The following UPF2 variants were observed in gnomAD, a reference collection of about 807,000 sequenced individuals.
UPF2 encodes the protein regulator of nonsense transcripts 2.
A neutral mutation model predicts 141.4 loss-of-function variants in UPF2; 17 were observed. The observed-to-expected ratio is 0.12, with a 90% CI of 0.08 to 0.18. The LOEUF is 0.18. Among genes scored for constraint, UPF2 ranks in the 10% least tolerant of loss-of-function variants. The pLI is 1.00. For synonymous variants in UPF2, 540 were observed against 498.0 expected, an observed-to-expected ratio of 1.08 and a Z score of -1.12; for missense variants, 1,152 against 1,515.9, an observed-to-expected ratio of 0.76 and a Z score of 3.99.
rs576460224 is a variant in UPF2, at chr10:11,991,136, A to C, written c.1844+6536T>G. 3.5e-4 allele frequency among the ~76,000 whole-genome samples: 53 copies of C among 152,288 alleles called. 1 individual carries two copies. Among genetic ancestry groups the C allele is most frequent in the African/African-American group, 1.3e-3 (52 of 41,560 alleles). On this transcript the variant is annotated intron_variant, in intron 8 of 21. Coordinates refer to ENST00000357604, the MANE Select transcript of UPF2 (RefSeq NM_015542.4). ...AAAAAAATAAGAATGAAAAGAACAAATTCCTCAAAACCTACCAAACAAAAT... is the reference window on the plus strand; with the variant it reads ...AAAAAAATAAGAATGAAAAGAACAACTTCCTCAAAACCTACCAAACAAAAT...
Position 11,955,479 on chromosome 10 carries a change from C to T in UPF2, c.2603G>A (p.Arg868His). The T allele has an allele frequency of 1.9e-6, 3 of 1,612,764 alleles. No homozygotes were observed. The highest frequency in any genetic ancestry group is 2.5e-6 in the Non-Finnish European group (3 of 1,179,488). Residue 868 changes from arginine (R) to histidine (H), a missense_variant, in exon 14 of 22, where the codon CGC (arginine) becomes CAC (histidine). Around this residue, in one of 4 missense-constraint regions of UPF2, gnomAD observed 739 missense variants for 1,032.2 expected, o/e 0.72. Transcript: ENST00000357604. ...EVNQPKFNQR[R>H]ISSAKFLGEL... Reference sequence around the variant, plus strand: ...TCCTAAGAACTTGGCACTGCTGATGCGCCTCTGATTAAATTTAGGTTGATT... The same window carrying T: ...TCCTAAGAACTTGGCACTGCTGATGTGCCTCTGATTAAATTTAGGTTGATT...
At chr10:12,012,487 T>C (rs1834145440) in intron 4 of UPF2, among the ~76,000 whole-genome samples, 1 of 152,052 alleles carries the variant, frequency 6.6e-6, no homozygotes, top group African/African-American at 2.4e-5. Context: ...TTTAAAACAT[T>C]TAAAAAGTTT....
intron 4 of UPF2, among the ~76,000 whole-genome samples, chr10:12,009,797 T>C (rs976872315): frequency 1.3e-5 from 2 of 152,154 alleles, no homozygotes; most frequent in Non-Finnish European, 2.9e-5. Flanking sequence ...AGCACAAAGA[T>C]AAACTTCAAA....
At chr10:11,989,511 A>G (rs1833745483) in intron 8 of UPF2, among the ~76,000 whole-genome samples, 1 of 152,208 alleles carries the variant, frequency 6.6e-6, no homozygotes, top group African/African-American at 2.4e-5. Flanking sequence ...TATAAATTAC[A>G]TCTTTCAAAA....
intron 8 of UPF2, among the ~76,000 whole-genome samples, chr10:11,990,780 A>T (rs1200760581): frequency 6.6e-6 from 1 of 151,160 alleles, no homozygotes; most frequent in East Asian, 2.0e-4. Context: ...CTAGGTCAGG[A>T]GATCGAGACC....
At position 12,014,197 on chromosome 10, in the gene UPF2, GA is replaced by G. The variant is rs772254477; in HGVS notation, c.1146-14del. 7.2e-7 allele frequency: 1 copy of G among 1,384,310 alleles called. No individual in the cohort carries two copies. The highest frequency in any genetic ancestry group is 9.5e-7 in the Non-Finnish European group (1 of 1,054,736). The allele number at this position is 1,384,310 out of a possible 1,614,324, so 85.8% of individuals were successfully genotyped here. On this transcript the variant is annotated splice_polypyrimidine_tract_variant and intron_variant, in intron 3 of 21. Coordinates refer to ENST00000357604, the MANE Select transcript of UPF2 (RefSeq NM_015542.4). This position sits in a 1 kb window ranked among gnomAD's most constrained non-coding sequence, Gnocchi z 5.0. Reference sequence around the variant, plus strand: ...ATGTAGAATGCGCCTATAAACAAATGAAATCATCTGACAGTCTTATCAAAAT... The same window carrying G: ...ATGTAGAATGCGCCTATAAACAAATGAATCATCTGACAGTCTTATCAAAAT...
At chr10:11,942,987 TCA>T in intron 17 of UPF2, 75 bp downstream of exon 17, 1 of 1,074,150 alleles carries the variant, frequency 9.3e-7, no homozygotes, top group East Asian at 2.4e-5. Flanking sequence ...AGAAACAAAT[TCA>T]GTTTCGTGAC....
chr10:11,960,469 G>A (rs752443371), intron 11 of UPF2, among the ~76,000 whole-genome samples: 4 of 152,158 alleles, frequency 2.6e-5, no homozygotes, highest in Non-Finnish European at 5.9e-5. Context: ...TCGGGAAGCT[G>A]AAGCAGGAGG....
At position 11,953,040 on chromosome 10, in the gene UPF2, T is replaced by C. The variant is rs762238542; in HGVS notation, c.2851-791A>G. 3.3e-4 allele frequency among the ~76,000 whole-genome samples: 51 copies of C among 152,358 alleles called. No homozygotes were observed. The highest frequency in any genetic ancestry group is 4.6e-4 in the Non-Finnish European group (31 of 68,040). On this transcript the variant is annotated intron_variant, in intron 14 of 21. Coordinates refer to ENST00000357604, the MANE Select transcript of UPF2 (RefSeq NM_015542.4). The surrounding 1 kb of genome is among the most constrained non-coding windows in gnomAD (Gnocchi z 5.0). ...ATCACTAATCATCAACAAGCATTTATTGAATATCTACTGTGTATATGGCAT... is the reference window on the plus strand; with the variant it reads ...ATCACTAATCATCAACAAGCATTTACTGAATATCTACTGTGTATATGGCAT...
rs752054221 is a variant in UPF2, at chr10:12,035,289, G to C, written c.135C>G (p.Ala45=). ...CAGGGGCCTTGCTGACCTCCTTCTT[G>C]GCAGTGAGCTTGATATCGTCTTTTG... ...ERPKDDIKLT[A]KKEVSKAPED... Residue 45 remains alanine (A), a synonymous_variant, in exon 2 of 22, where the codon GCC becomes GCG. Coordinates refer to ENST00000357604, the MANE Select transcript of UPF2 (RefSeq NM_015542.4). 14 of 1,613,502 alleles carry C rather than the reference G, an allele frequency of 8.7e-6. No individual in the cohort carries two copies. The African/African-American group carries it at 1.3e-4, about 15-fold the overall frequency.
intron 3 of UPF2, among the ~76,000 whole-genome samples, chr10:12,021,028 C>T (rs560466038): frequency 2.6e-5 from 4 of 152,238 alleles, no homozygotes; most frequent in African/African-American, 4.8e-5. Context: ...GAGCGGCTAA[C>T]ATGTATACTA....
chr10:12,015,896 T>A (rs111307666), intron 3 of UPF2, among the ~76,000 whole-genome samples: 330 of 152,220 alleles, frequency 2.2e-3, no homozygotes, highest in African/African-American at 7.6e-3. Context: ...ATATTAGATA[T>A]CATTCTACCA....
chr10:12,009,338 A>C (rs1361875143), intron 4 of UPF2, among the ~76,000 whole-genome samples: 2 of 152,220 alleles, frequency 1.3e-5, no homozygotes, highest in Non-Finnish European at 2.9e-5. Context: ...ACAACCATAC[A>C]AAAGGATATT....
intron 4 of UPF2, among the ~76,000 whole-genome samples, chr10:12,012,623 C>T (rs1335288092): frequency 6.6e-6 from 1 of 151,492 alleles, no homozygotes; most frequent in African/African-American, 2.4e-5. Context: ...CATGGTGAAA[C>T]CCCGTCTCTA....
chr10:11,926,727 T>C (rs955680743), intron 21 of UPF2, among the ~76,000 whole-genome samples: 2 of 152,044 alleles, frequency 1.3e-5, no homozygotes, highest in Non-Finnish European at 2.9e-5. Context: ...TTTTCTAGCA[T>C]AGCCACTGGG....
intron 3 of UPF2, among the ~76,000 whole-genome samples, chr10:12,026,491 T>C (rs1362683355): frequency 6.6e-6 from 1 of 152,090 alleles, no homozygotes; most frequent in African/African-American, 2.4e-5. Flanking sequence ...TCTGAATATC[T>C]GAGATACTGT....
chr10:11,976,502 G>A (rs10906040), intron 9 of UPF2, among the ~76,000 whole-genome samples: 57,585 of 152,070 alleles, frequency 0.38, 13,134 homozygotes, highest in Non-Finnish European at 0.51. Flanking sequence ...AAATACAGAA[G>A]CAGATTCAAG....
At chr10:11,978,057 A>G (rs1219259299) in intron 9 of UPF2, among the ~76,000 whole-genome samples, 2 of 152,166 alleles carry the variant, frequency 1.3e-5, no homozygotes, top group South Asian at 2.1e-4. Context: ...CCACTCTCCA[A>G]TAATTCACTT....
rs74119905 is a variant in UPF2, at chr10:11,920,952, G to A, written c.*346C>T. On this transcript the variant is annotated 3_prime_UTR_variant, in exon 22 of 22. Coordinates refer to ENST00000357604, the MANE Select transcript of UPF2 (RefSeq NM_015542.4). ...CCCCACACCATTACCATCACAACCC[G>A]TTTCTTCTCTGGCTCAATCATCTCC... The A allele has an allele frequency of 0.011, 6,234 of 548,690 alleles. 249 individuals are homozygous for A. Among genetic ancestry groups the A allele is most frequent in the African/African-American group, 0.094 (4,990 of 53,190 alleles). The allele number at this position is 548,690 out of a possible 1,614,324, so 34.0% of individuals were successfully genotyped here. A position where few individuals can be genotyped will look rare whatever the true frequency, so the allele number is the denominator to read the frequency against.
Sources: allele counts gnomAD v4.1 joint callset (sites outside exome capture counted in the v4.1 genomes callset), GRCh38; gene constraint gnomAD v4.1.1; regional missense constraint gnomAD v4.1.1; non-coding constraint Gnocchi (gnomAD v3.1); transcripts MANE v1.5; gene names NCBI Gene and HGNC (gene_info 2026-07-23, HGNC 2026-07-21).